The following SPAG16 variants were observed in gnomAD, a reference collection of about 807,000 sequenced individuals.
SPAG16 encodes sperm associated antigen 16, also known as sperm-associated antigen 16 protein.
Under a neutral mutation model 80.4 loss-of-function variants are expected in SPAG16, and 86 were observed. The observed-to-expected ratio is 1.07, with a 90% CI of 0.90 to 1.28. The LOEUF (loss-of-function observed/expected upper bound fraction) is 1.28, where lower values mean the gene tolerates loss of function less well. Among genes scored for constraint, SPAG16 ranks in the 50% most tolerant of loss-of-function variants. The pLI is 0.00. For synonymous variants in SPAG16, 294 were observed against 265.9 expected, an observed-to-expected ratio of 1.11 and a Z score of -1.03; for missense variants, 870 against 765.3, an observed-to-expected ratio of 1.14 and a Z score of -1.61.
intron 10 of SPAG16, among the ~76,000 whole-genome samples, chr2:213,586,340 C>G (rs1270176146): frequency 6.6e-6 from 1 of 152,152 alleles, no homozygotes; most frequent in East Asian, 1.9e-4. Context: ...TGAGGCCCAC[C>G]TGCTTTCTGT....
chr2:214,398,644 C>A (rs1436840709), intron 15 of SPAG16, among the ~76,000 whole-genome samples: 1 of 152,162 alleles, frequency 6.6e-6, no homozygotes, highest in Non-Finnish European at 1.5e-5. Context: ...AGATATAAAG[C>A]CAGGTCATCG....
chr2:213,913,572 T>TATATGTACATGTAC, intron 11 of SPAG16, among the ~76,000 whole-genome samples: 1 of 99,416 alleles, frequency 1.0e-5, no homozygotes, highest in Middle Eastern at 5.2e-3. Context: ...TGTGTGTGTA[T>TATATGTACATGTAC]ATATATGTAC....
intron 12 of SPAG16, among the ~76,000 whole-genome samples, chr2:213,999,582 G>C (rs976163816): frequency 1.3e-5 from 2 of 152,186 alleles, no homozygotes; most frequent in African/African-American, 4.8e-5. Context: ...CTGCCTAGTG[G>C]GGCTGTGAGA....
intron 11 of SPAG16, among the ~76,000 whole-genome samples, chr2:213,928,184 C>G (rs1216497124): frequency 1.3e-5 from 2 of 151,892 alleles, no homozygotes; most frequent in Non-Finnish European, 1.5e-5. Flanking sequence ...CTTCCGGGTT[C>G]AAGTGATTTC....
At chr2:213,366,924 G>C (rs2066328669) in intron 8 of SPAG16, among the ~76,000 whole-genome samples, 1 of 151,870 alleles carries the variant, frequency 6.6e-6, no homozygotes, top group Non-Finnish European at 1.5e-5. Context: ...TCTCCTAATG[G>C]TATCCCTCCC....
chr2:213,945,293 ATATATACACAAG>A (rs2079395625), intron 12 of SPAG16, among the ~76,000 whole-genome samples: 1 of 147,364 alleles, frequency 6.8e-6, no homozygotes, highest in Non-Finnish European at 1.5e-5. Context: ...ACACACACAT[ATATATACACAAG>A]TATATATATG....
At chr2:214,270,260 A>G (rs1338667451) in intron 15 of SPAG16, among the ~76,000 whole-genome samples, 1 of 152,178 alleles carries the variant, frequency 6.6e-6, no homozygotes, top group Non-Finnish European at 1.5e-5. Flanking sequence ...CATCCTGTTA[A>G]TTTCATTTGC....
chr2:214,088,496 T>A (rs1388460666), intron 13 of SPAG16, among the ~76,000 whole-genome samples: 2 of 151,984 alleles, frequency 1.3e-5, no homozygotes, highest in African/African-American at 4.8e-5. Context: ...ATGTACAAGC[T>A]TACAGGAAAA....
intron 10 of SPAG16, among the ~76,000 whole-genome samples, chr2:213,600,269 C>A (rs918098407): frequency 2.0e-5 from 3 of 152,188 alleles, no homozygotes; most frequent in Middle Eastern, 3.2e-3. Flanking sequence ...ATACGTTATG[C>A]ATCTCAGATT....
At chr2:214,277,692 G>A (rs902348540) in intron 15 of SPAG16, among the ~76,000 whole-genome samples, 3 of 152,186 alleles carry the variant, frequency 2.0e-5, no homozygotes, top group Admixed American at 6.5e-5. Flanking sequence ...CATCCCAGAG[G>A]GGAACCCACA....
At position 213,461,908 on chromosome 2, in the gene SPAG16, G is replaced by GTGTGTA. The variant is rs561110474; in HGVS notation, c.943-28039_943-28034dup. On this transcript the variant is annotated intron_variant, in intron 9 of 15. Transcript: ENST00000331683. ...TGGATGTATGTGTATGTGTATGTGT[G>GTGTGTA]TGTGTATGTGTATGTGTATGTATGT... is the stretch of plus-strand genomic sequence containing the variant. Among the ~76,000 whole-genome samples the GTGTGTA allele has an allele frequency of 9.8e-3, 1,492 of 152,274 alleles. 19 individuals carry two copies. The highest frequency in any genetic ancestry group is 0.016 in the Non-Finnish European group (1,077 of 68,008).
At chr2:213,874,229 A>T (rs2556312) in intron 11 of SPAG16, among the ~76,000 whole-genome samples, 3,007 of 152,206 alleles carry the variant, frequency 0.02, 103 homozygotes, top group African/African-American at 0.069. Context: ...CTTAGGCTAT[A>T]CTGAATTTGT....
chr2:214,187,172 T>C lies in SPAG16; in HGVS notation c.1720+37906T>C, dbSNP rs764870918. 4.7e-4 allele frequency among the ~76,000 whole-genome samples: 71 copies of C among 152,232 alleles called. 1 individual carries two copies. The highest frequency in any genetic ancestry group is 5.8e-4 in the East Asian group (3 of 5,162). ...GTACTCTCATTTGCAAAAATAGTTA[T>C]ACGTTAAGTGTAAGTACATACACCA... On this transcript the variant is annotated intron_variant, in intron 15 of 15. Transcript: ENST00000331683.
chr2:214,253,468 G>C (rs1207573807), intron 15 of SPAG16, among the ~76,000 whole-genome samples: 2 of 152,006 alleles, frequency 1.3e-5, no homozygotes, highest in Non-Finnish European at 2.9e-5. Flanking sequence ...TCCATCTTTA[G>C]TTAATTTTTG....
chr2:213,666,348 C>T lies in SPAG16; in HGVS notation c.1070+176258C>T, dbSNP rs2063602156. On this transcript the variant is annotated intron_variant, in intron 10 of 15. Coordinates refer to ENST00000331683, the MANE Select transcript of SPAG16 (RefSeq NM_024532.5). The stretch of plus-strand genomic sequence containing the variant: ...TACAATACTATCATTCCCCCCTTTT[C>T]AATAAACTTACTGTGTAATCTTCAG... Among the ~76,000 whole-genome samples the T allele has an allele frequency of 2.6e-5, 4 of 152,206 alleles. No homozygotes were observed. In the South Asian group the frequency reaches 8.3e-4, roughly 32 times the overall value.
intron 3 of SPAG16, among the ~76,000 whole-genome samples, chr2:213,307,997 G>T (rs982579369): frequency 5.3e-5 from 8 of 152,108 alleles, no homozygotes; most frequent in Non-Finnish European, 1.0e-4. Flanking sequence ...TTAACAGCTT[G>T]GGAAAGAGAA....
intron 15 of SPAG16, among the ~76,000 whole-genome samples, chr2:214,397,749 GCA>G (rs1701480821): frequency 6.6e-6 from 1 of 152,198 alleles, no homozygotes; most frequent in Admixed American, 6.5e-5. Flanking sequence ...AGAAGGTAAA[GCA>G]CAGTTTTCAA....
At chr2:213,747,738 G>A (rs1400282137) in intron 10 of SPAG16, among the ~76,000 whole-genome samples, 2 of 152,128 alleles carry the variant, frequency 1.3e-5, no homozygotes, top group Non-Finnish European at 2.9e-5. Flanking sequence ...AATGATGTTC[G>A]AAGAAGGATA....
intron 15 of SPAG16, among the ~76,000 whole-genome samples, chr2:214,199,920 G>A (rs2057960160): frequency 6.6e-6 from 1 of 152,154 alleles, no homozygotes; most frequent in African/African-American, 2.4e-5. Flanking sequence ...TTGGTGTACA[G>A]CAGTGCTACT....
Sources: gnomAD v4.1 joint callset for allele counts (sites outside exome capture counted in the v4.1 genomes callset) on GRCh38, gnomAD v4.1.1 for gene constraint, MANE v1.5 for transcripts, NCBI Gene and HGNC (gene_info 2026-07-23, HGNC 2026-07-21) for gene names.